BICC1: variants seen among roughly 807,000 people sequenced by gnomAD.
The protein encoded by BICC1 is protein bicaudal C homolog 1.
In BICC1, 43 loss-of-function variants were observed where a neutral mutation model predicts 111.0. The ratio of observed to expected loss-of-function variants is 0.39; its 90% CI spans 0.30 to 0.50. BICC1 has a LOEUF of 0.50. Ranked by LOEUF, BICC1 falls within the 20% of genes least tolerant of loss-of-function variation. The probability of loss-of-function intolerance (pLI) is 0.88; values close to 1 mark genes in which losing one functional copy is unlikely to be tolerated. For synonymous variants in BICC1, 467 were observed against 434.4 expected (o/e 1.07, Z -0.93); for missense variants, 1,091 against 1,203.2 (o/e 0.91, Z 1.38).
At chr10:58,675,182 G>A (rs1839301118) in intron 2 of BICC1, among the ~76,000 whole-genome samples, 1 of 152,082 alleles carries the variant, frequency 6.6e-6, no homozygotes, top group South Asian at 2.1e-4. Flanking sequence ...GGAGAGAGGA[G>A]AGAACAAGGA....
intron 17 of BICC1, among the ~76,000 whole-genome samples, chr10:58,812,466 T>C (rs1843939527): frequency 1.3e-5 from 2 of 151,310 alleles, no homozygotes; most frequent in South Asian, 4.2e-4. Flanking sequence ...ATTCTAAATT[T>C]CTTTTCTTTT....
At chr10:58,765,186 AT>A (rs969887487) in intron 3 of BICC1, among the ~76,000 whole-genome samples, 22 of 151,754 alleles carry the variant, frequency 1.4e-4, no homozygotes, top group African/African-American at 5.1e-4. Context: ...CGTTCAAGCA[AT>A]TTTTGTGCTT....
chr10:58,635,225 G>A (rs1215809851), intron 2 of BICC1, among the ~76,000 whole-genome samples: 1 of 152,168 alleles, frequency 6.6e-6, no homozygotes, highest in Non-Finnish European at 1.5e-5. Context: ...ATAAGTTTGA[G>A]AAATACAGGC....
At chr10:58,737,311 A>G (rs1006454663) in intron 3 of BICC1, among the ~76,000 whole-genome samples, 2 of 151,884 alleles carry the variant, frequency 1.3e-5, no homozygotes, top group Non-Finnish European at 2.9e-5. Flanking sequence ...ATGTGTTCTC[A>G]TTGTTCAATC....
At chr10:58,600,956 G>A (rs932921116) in intron 1 of BICC1, among the ~76,000 whole-genome samples, 3 of 151,612 alleles carry the variant, frequency 2.0e-5, no homozygotes, top group Non-Finnish European at 4.4e-5. Context: ...AAAGTTGTAC[G>A]TGGATTTTCT....
At chr10:58,604,654 AAAAAT>A (rs1264484513) in intron 1 of BICC1, among the ~76,000 whole-genome samples, 7 of 152,188 alleles carry the variant, frequency 4.6e-5, no homozygotes, top group Admixed American at 1.3e-4. Context: ...GAGCGGGGGA[AAAAAT>A]AAAATAAAAT....
intron 1 of BICC1, among the ~76,000 whole-genome samples, chr10:58,523,662 C>A (rs1345443981): frequency 6.6e-6 from 1 of 152,150 alleles, no homozygotes; most frequent in Non-Finnish European, 1.5e-5. Context: ...GATGCCCTCT[C>A]TCACCACTCC....
At chr10:58,571,937 T>G (rs949068848) in intron 1 of BICC1, among the ~76,000 whole-genome samples, 1 of 152,192 alleles carries the variant, frequency 6.6e-6, no homozygotes, top group Non-Finnish European at 1.5e-5. Flanking sequence ...GTTGAACTAA[T>G]TTGTACTACC....
chr10:58,647,185 A>T (rs1838295606), intron 2 of BICC1, among the ~76,000 whole-genome samples: 1 of 152,108 alleles, frequency 6.6e-6, no homozygotes, highest in Non-Finnish European at 1.5e-5. Context: ...GTAAATACAG[A>T]TTTACAAAAT....
intron 10 of BICC1, among the ~76,000 whole-genome samples, chr10:58,797,931 A>G (rs1202656218): frequency 1.3e-5 from 2 of 152,168 alleles, no homozygotes; most frequent in Non-Finnish European, 2.9e-5. Flanking sequence ...CTGGTAGCCT[A>G]CCCTATCTGC....
intron 3 of BICC1, among the ~76,000 whole-genome samples, chr10:58,706,650 C>T (rs1322905633): frequency 6.6e-6 from 1 of 152,102 alleles, no homozygotes; most frequent in East Asian, 1.9e-4. Context: ...ACGCTGTTCT[C>T]ATGATAGTGA....
chr10:58,537,124 A>C (rs1279835793), intron 1 of BICC1, among the ~76,000 whole-genome samples: 3 of 151,818 alleles, frequency 2.0e-5, no homozygotes, highest in Admixed American at 1.3e-4. Flanking sequence ...TTCAAGCCGA[A>C]TTCTACTAGA....
chr10:58,691,532 G>A (rs899703388), intron 2 of BICC1, among the ~76,000 whole-genome samples: 2 of 152,180 alleles, frequency 1.3e-5, no homozygotes, highest in African/African-American at 2.4e-5. Flanking sequence ...AGGTCAAAAA[G>A]TGGGACCCAT....
rs576224492 is a variant in BICC1 at position 58,615,264 on chromosome 10, A to G, written c.191-5591A>G. Among the ~76,000 whole-genome samples the G allele has an allele frequency of 5.3e-5, 8 of 152,336 alleles. No individual in the cohort carries two copies. In the South Asian group the frequency reaches 1.7e-3, roughly 32 times the overall value. ...ACAGAATGAAAATCATTGTTTGCAGAGCAAACTACAGATAATTTATTTGTA... is the reference window on the plus strand; with the variant it reads ...ACAGAATGAAAATCATTGTTTGCAGGGCAAACTACAGATAATTTATTTGTA... On this transcript the variant is annotated intron_variant, in intron 1 of 20. Coordinates refer to ENST00000373886, the MANE Select transcript of BICC1 (RefSeq NM_001080512.3).
At chr10:58,639,131 G>A (rs1838041970) in intron 2 of BICC1, among the ~76,000 whole-genome samples, 1 of 151,928 alleles carries the variant, frequency 6.6e-6, no homozygotes, top group African/African-American at 2.4e-5. Context: ...AAAATACATT[G>A]TTATTAACTA....
Position 58,803,261 on chromosome 10 carries a change from G to A in BICC1, c.2181+19G>A. The stretch of plus-strand genomic sequence containing the variant: ...CATGCAGGTAATGGTAATAAAATAG[G>A]AAAGCCACTCAAATGTCATATGTTT... On this transcript the variant is annotated intron_variant, in intron 15 of 20. Coordinates refer to ENST00000373886, the MANE Select transcript of BICC1 (RefSeq NM_001080512.3). 1 of 1,563,804 alleles carries A rather than the reference G, an allele frequency of 6.4e-7. No homozygotes were observed. The highest frequency in any genetic ancestry group is 8.7e-7 in the Non-Finnish European group (1 of 1,151,408).
chr10:58,716,710 G>C (rs1840753196), intron 3 of BICC1, among the ~76,000 whole-genome samples: 1 of 147,236 alleles, frequency 6.8e-6, no homozygotes, highest in African/African-American at 2.7e-5. Flanking sequence ...CCCTTACTCT[G>C]TAAGATAAGT....
At chr10:58,666,859 T>C (rs935715808) in intron 2 of BICC1, among the ~76,000 whole-genome samples, 1 of 152,194 alleles carries the variant, frequency 6.6e-6, no homozygotes, top group Admixed American at 6.6e-5. Context: ...ATTTAGGATA[T>C]ACTTGTTTTT....
intron 3 of BICC1, among the ~76,000 whole-genome samples, chr10:58,775,833 A>G (rs1329847520): frequency 1.3e-5 from 2 of 152,224 alleles, no homozygotes; most frequent in African/African-American, 2.4e-5. Flanking sequence ...CTTACCTAAT[A>G]TTAGGCCTTT....
Sources: gnomAD v4.1 joint callset for allele counts (sites outside exome capture counted in the v4.1 genomes callset) on GRCh38, gnomAD v4.1.1 for gene constraint, MANE v1.5 for transcripts, NCBI Gene and HGNC (gene_info 2026-07-23, HGNC 2026-07-21) for gene names.